The following ATAD2B variants were observed in gnomAD, a reference collection of about 807,000 sequenced individuals.
ATAD2B encodes the protein ATPase family AAA domain containing 2B, also known as ATPase family AAA domain-containing protein 2B.
ATAD2B carries 40 observed loss-of-function variants against 167.6 expected under a neutral mutation model. The observed-to-expected ratio is 0.24, with a 90% CI of 0.19 to 0.31. The LOEUF is 0.31. Ranked by LOEUF, ATAD2B falls within the 10% of genes least tolerant of loss-of-function variation. The pLI is 1.00. For missense variants in ATAD2B, 1,242 were observed against 1,757.2 expected (o/e 0.71, Z 5.24); for synonymous variants, 579 against 596.5 (o/e 0.97, Z 0.43).
intron 16 of ATAD2B, among the ~76,000 whole-genome samples, chr2:23,822,526 C>G (rs1687599070): frequency 6.6e-6 from 1 of 151,746 alleles, no homozygotes; most frequent in Non-Finnish European, 1.5e-5. Context: ...ACCTAGGTGA[C>G]AGAGTGAGAC....
chr2:23,715,294 G>A, the ATAD2B span, among the ~76,000 whole-genome samples: 1 of 152,098 alleles, frequency 6.6e-6, no homozygotes, highest in Non-Finnish European at 1.5e-5. Flanking sequence ...CATATTGAAG[G>A]CCAGGCACGG....
chr2:23,832,752 A>G (rs1021714977), intron 14 of ATAD2B: 1 of 152,350 alleles, frequency 6.6e-6, no homozygotes, highest in African/African-American at 2.4e-5. Context: ...CTAAGATAGT[A>G]CAGAAGACAA....
intron 18 of ATAD2B, among the ~76,000 whole-genome samples, chr2:23,799,536 A>T (rs939791815): frequency 6.9e-6 from 1 of 145,494 alleles, no homozygotes; most frequent in Admixed American, 7.4e-5. Context: ...TCACACCACT[A>T]TACTCCAGCC....
At chr2:23,917,129 A>G (rs1703155454) in intron 1 of ATAD2B, among the ~76,000 whole-genome samples, 1 of 152,230 alleles carries the variant, frequency 6.6e-6, no homozygotes, top group South Asian at 2.1e-4. Flanking sequence ...GTTTGCCCAC[A>G]TGGCACTTAC....
At chr2:23,824,772 T>G (rs1044032852) in intron 15 of ATAD2B, among the ~76,000 whole-genome samples, 43 of 152,338 alleles carry the variant, frequency 2.8e-4, no homozygotes, top group African/African-American at 1.0e-3. Context: ...CATGCTCTGT[T>G]GCATCCTTGT....
the ATAD2B span, among the ~76,000 whole-genome samples, chr2:23,740,932 T>C: frequency 2.0e-5 from 3 of 152,180 alleles, no homozygotes; most frequent in African/African-American, 7.2e-5. Context: ...GGCCAAATCA[T>C]GAGTGAACTC....
the ATAD2B span, among the ~76,000 whole-genome samples, chr2:23,678,540 A>G: frequency 4.6e-5 from 7 of 152,224 alleles, no homozygotes; most frequent in Non-Finnish European, 1.5e-5. Flanking sequence ...AGTCTCTGCC[A>G]ATATCAGCCA....
At chr2:23,763,265 A>T (rs1676981388) in intron 23 of ATAD2B, among the ~76,000 whole-genome samples, 1 of 152,054 alleles carries the variant, frequency 6.6e-6, no homozygotes. Context: ...GCTACATCTC[A>T]CTTATATTAA....
chr2:23,881,034 T>G (rs1697806525), intron 6 of ATAD2B, among the ~76,000 whole-genome samples: 1 of 152,218 alleles, frequency 6.6e-6, no homozygotes, highest in Admixed American at 6.5e-5. Context: ...TTGATTCTCC[T>G]TGTTCATACA....
chr2:23,798,056 T>C, intron 19 of ATAD2B, 82 bp downstream of exon 19: 3 of 903,000 alleles, frequency 3.3e-6, no homozygotes, highest in Non-Finnish European at 4.7e-6. Flanking sequence ...AATTTTATAA[T>C]AATTAAAAGG....
chr2:23,686,364 G>C, the ATAD2B span, among the ~76,000 whole-genome samples: 35 of 152,324 alleles, frequency 2.3e-4, no homozygotes, highest in African/African-American at 7.5e-4. Context: ...TTGGCAGGTA[G>C]GAGACCTGGG....
chr2:23,914,800 G>T (rs953016112), intron 1 of ATAD2B, among the ~76,000 whole-genome samples: 25 of 148,852 alleles, frequency 1.7e-4, no homozygotes, highest in African/African-American at 5.7e-4. Context: ...CCAAGATCGC[G>T]CCACTGCACT....
At chr2:23,797,854 G>A (rs1682862042) in intron 19 of ATAD2B, among the ~76,000 whole-genome samples, 1 of 152,048 alleles carries the variant, frequency 6.6e-6, no homozygotes, top group Admixed American at 6.5e-5. Context: ...TTCAGGTTTT[G>A]AATTTTTGAA....
intron 23 of ATAD2B, among the ~76,000 whole-genome samples, chr2:23,764,570 T>G (rs1020552282): frequency 6.6e-6 from 1 of 152,114 alleles, no homozygotes; most frequent in Non-Finnish European, 1.5e-5. Context: ...AGCAGAGATA[T>G]AAACAAGACA....
chr2:23,705,384 C>T, the ATAD2B span, among the ~76,000 whole-genome samples: 1 of 151,994 alleles, frequency 6.6e-6, no homozygotes, highest in Non-Finnish European at 1.5e-5. Flanking sequence ...CCAGCTAACT[C>T]AGGAGGCTGA....
chr2:23,762,122 G>A (rs2551329), intron 24 of ATAD2B, 87 bp downstream of exon 24: 55,625 of 1,370,258 alleles, frequency 0.041, 1,271 homozygotes, highest in South Asian at 0.05. Context: ...GGAAAAGAGC[G>A]GCACTTTGTT....
chr2:23,873,742 G>T (rs1437234529), intron 8 of ATAD2B, among the ~76,000 whole-genome samples: 4 of 152,234 alleles, frequency 2.6e-5, no homozygotes, highest in African/African-American at 9.6e-5. Flanking sequence ...GTTTCTTCTC[G>T]TAGCTTCAGT....
At chr2:23,776,237 A>G (rs79675061) in intron 22 of ATAD2B, among the ~76,000 whole-genome samples, 5,129 of 152,314 alleles carry the variant, frequency 0.034, 102 homozygotes, top group Non-Finnish European at 0.043. Flanking sequence ...CCATTGGTTT[A>G]CCTTCCCAGA....
chr2:23,888,616 C>T (rs1699030347), intron 2 of ATAD2B, among the ~76,000 whole-genome samples: 1 of 152,046 alleles, frequency 6.6e-6, no homozygotes, highest in South Asian at 2.1e-4. Context: ...ACAGATTATA[C>T]ACTAAGTTTA....
Sources: gnomAD v4.1 joint callset for allele counts (sites outside exome capture counted in the v4.1 genomes callset) on GRCh38, gnomAD v4.1.1 for gene constraint, MANE v1.5 for transcripts, NCBI Gene and HGNC (gene_info 2026-07-23, HGNC 2026-07-21) for gene names.